The following TTC12 variants were observed in gnomAD, a reference collection of about 807,000 sequenced individuals.
TTC12 encodes the protein tetratricopeptide repeat protein 12.
TTC12 carries 70 observed loss-of-function variants against 90.1 expected under a neutral mutation model. The ratio of observed to expected loss-of-function variants is 0.78; its 90% CI spans 0.64 to 0.95. The LOEUF is 0.95. Among genes scored for constraint, TTC12 ranks in the 40% least tolerant of loss-of-function variants. TTC12 has a pLI of 0.00. For missense variants in TTC12, 819 were observed against 846.1 expected (o/e 0.97, Z 0.40); for synonymous variants, 296 against 311.5 (o/e 0.95, Z 0.53).
At position 113,335,013 on chromosome 11, in the gene TTC12, C is replaced by T; in HGVS notation, c.552C>T (p.Asn184=). The T allele has an allele frequency of 6.2e-7, 1 of 1,613,714 alleles. No individual in the cohort carries two copies. Among genetic ancestry groups the T allele is most frequent in the Non-Finnish European group, 8.5e-7 (1 of 1,179,706 alleles). The change falls in exon 8 of 22, where the codon AAC becomes AAT. Residue 184 remains asparagine, a synonymous_variant. Transcript: ENST00000529221. ...TKAYFHMGKA[N]LALKNYSVSR... ...CATATTTTCACATGGGAAAAGCCAA[C>T]CTGGCCCTGAAGAACTACAGTGTGG...
intron 11 of TTC12, 104 bp downstream of exon 11, chr11:113,340,837 AC>A (rs1392319639): frequency 2.0e-5 from 19 of 964,272 alleles, no homozygotes; most frequent in Admixed American, 9.0e-5. Context: ...TCTGAACATT[AC>A]CCCCCTTCAG....
intron 2 of TTC12, among the ~76,000 whole-genome samples, chr11:113,316,966 A>G (rs1374116917): frequency 6.6e-6 from 1 of 152,250 alleles, no homozygotes; most frequent in Admixed American, 6.5e-5. Flanking sequence ...TAGTAAATAC[A>G]GGCAATATGC....
At chr11:113,364,717 A>T in intron 20 of TTC12, 118 bp from the exon 21 acceptor site, 1 of 745,264 alleles carries the variant, frequency 1.3e-6, no homozygotes, top group Non-Finnish European at 2.3e-6. Flanking sequence ...GTTCTGCTGC[A>T]GAGTTACTGG....
intron 10 of TTC12, among the ~76,000 whole-genome samples, chr11:113,340,145 C>G (rs1226918566): frequency 6.6e-6 from 1 of 152,152 alleles, no homozygotes; most frequent in African/African-American, 2.4e-5. Context: ...ACATTGTTAC[C>G]AAGGCTTAAA....
chr11:113,364,762 C>G, intron 20 of TTC12, 73 bp from the exon 21 acceptor site: 1 of 1,248,562 alleles, frequency 8.0e-7, no homozygotes. Context: ...TCCCTGCACC[C>G]CTCATGTCCT....
Position 113,341,840 on chromosome 11 carries a change from T to G in TTC12, c.900T>G (p.Cys300Trp), listed in dbSNP as rs917586731. The part of the protein sequence containing the change: ...IISDNEVIRR[C>W]FSTAGNDAVE... ...AGCTCTCCTTTGTCCATTCTAGGTG[T>G]TTTTCCACAGCAGGAAATGATGCAG... Residue 300 changes from cysteine to tryptophan, a missense_variant, in exon 12 of 22, where the codon TGT becomes TGG. Physicochemically the swap from Cys to Trp is radical, Grantham distance 215 (BLOSUM62 -2). Transcript: ENST00000529221. The G allele has an allele frequency of 1.2e-6, 2 of 1,613,036 alleles. No homozygotes were observed. Among genetic ancestry groups the G allele is most frequent in the Non-Finnish European group, 1.7e-6 (2 of 1,178,970 alleles).
At chr11:113,356,511 T>A (rs1353424336) in intron 16 of TTC12, among the ~76,000 whole-genome samples, 1 of 152,250 alleles carries the variant, frequency 6.6e-6, no homozygotes, top group Non-Finnish European at 1.5e-5. Context: ...TTTTGCTGAC[T>A]TATTTATGTG....
At chr11:113,369,635 C>T (rs1034817906), downstream of TTC12, among the ~76,000 whole-genome samples, 1 of 152,172 alleles carries the variant, frequency 6.6e-6, no homozygotes, top group African/African-American at 2.4e-5. Context: ...GTGTTCTTAA[C>T]TCTTCCTGCA....
Position 113,341,782 on chromosome 11 carries a change from G to A in TTC12, c.897-55G>A, listed in dbSNP as rs1448550816. On this transcript the variant is annotated intron_variant, in intron 11 of 21. Coordinates refer to ENST00000529221, the MANE Select transcript of TTC12 (RefSeq NM_017868.4). Reference sequence around the variant, plus strand: ...GGGTGAAATAAAACCAAATGGAAAAGAAAATCAAGACTGATTTTCAGACTT... The same window carrying A: ...GGGTGAAATAAAACCAAATGGAAAAAAAAATCAAGACTGATTTTCAGACTT... 8.6e-6 allele frequency: 12 copies of A among 1,399,162 alleles called. No individual in the cohort carries two copies. The Admixed American group carries it at 1.3e-4, about 16-fold the overall frequency. The allele number at this position is 1,399,162 out of a possible 1,614,324, so 86.7% of individuals were successfully genotyped here.
chr11:113,368,232 T>C, downstream of TTC12: 1 of 1,510,818 alleles, frequency 6.6e-7, no homozygotes, highest in Admixed American at 2.0e-5. Context: ...GAGAGTCTGC[T>C]GCACCTGAAG....
At chr11:113,368,116 C>CTAT (rs755301170), downstream of TTC12, 1,561 of 1,233,754 alleles carry the variant, frequency 1.3e-3, 28 homozygotes, top group Non-Finnish European at 6.3e-4. Flanking sequence ...TTGAAAATGG[C>CTAT]TATGATAGGT....
chr11:113,341,391 GA>G (rs1208208402), intron 11 of TTC12, among the ~76,000 whole-genome samples: 1 of 152,174 alleles, frequency 6.6e-6, no homozygotes, highest in African/African-American at 2.4e-5. Flanking sequence ...ATCATATCAA[GA>G]AGTGATATAA....
At chr11:113,360,878 C>T (rs538063955) in intron 18 of TTC12, among the ~76,000 whole-genome samples, 1 of 152,178 alleles carries the variant, frequency 6.6e-6, no homozygotes, top group Admixed American at 6.5e-5. Flanking sequence ...AGGTTTTGTG[C>T]GTGTGCATTT....
rs556138912 is a variant in TTC12 at position 113,359,845 on chromosome 11, T to C, written c.1546-95T>C. The C allele has an allele frequency of 1.4e-5, 13 of 907,678 alleles. No homozygotes were observed. In the African/African-American group the frequency reaches 1.5e-4, roughly 10 times the overall value. 56.2% of individuals were successfully genotyped at this position (907,678 alleles called of 1,614,324 possible). ...AGGGAACCTGGGCATAGTGTGGTGG[T>C]GCTAAAAAGGAGACGGTGCTCAGAA... is the stretch of plus-strand genomic sequence containing the variant. On this transcript the variant is annotated intron_variant, in intron 17 of 21. Coordinates refer to ENST00000529221, the MANE Select transcript of TTC12 (RefSeq NM_017868.4).
chr11:113,359,380 T>C lies in TTC12; in HGVS notation c.1464T>C (p.Asp488=). The C allele has an allele frequency of 6.2e-7, 1 of 1,611,542 alleles. No homozygotes were observed. The highest frequency in any genetic ancestry group is 1.3e-5 in the African/African-American group (1 of 74,966). The change falls in exon 17 of 22, where the codon GAT becomes GAC. Residue 488 remains aspartate, a synonymous_variant. Transcript: ENST00000529221. ...TTCCCAAGGCCAGGTGTGAGGAGGA[T>C]GTGGACCTGTTCAGAGAGGTTATCT... ...CLSLLARCEE[D]VDLFREVIYT... is the part of the protein sequence containing the mutation.
chr11:113,333,299 C>G (rs904481742), intron 7 of TTC12, among the ~76,000 whole-genome samples: 2 of 152,098 alleles, frequency 1.3e-5, no homozygotes, highest in Non-Finnish European at 2.9e-5. Flanking sequence ...GGTTCTTGCC[C>G]AGCCCACTCT....
chr11:113,324,817 C>G, intron 5 of TTC12, 135 bp downstream of exon 5: 1 of 703,398 alleles, frequency 1.4e-6, no homozygotes, highest in Non-Finnish European at 2.4e-6. Flanking sequence ...GGCAGTGGGA[C>G]CTGGCCAGAA....
Position 113,341,452 on chromosome 11 carries a change from A to T in TTC12, c.897-385A>T, listed in dbSNP as rs576645742. On this transcript the variant is annotated intron_variant, in intron 11 of 21. Coordinates refer to ENST00000529221, the MANE Select transcript of TTC12 (RefSeq NM_017868.4). ...TAATTTCATCTGAAGAAAGACCTGT[A>T]TGGTAGGATGCAGTTTGCTAAAGTG... Among the ~76,000 whole-genome samples, 412 of 152,318 alleles carry T rather than the reference A, an allele frequency of 2.7e-3. 5 individuals carry two copies. The highest frequency in any genetic ancestry group is 0.023 in the Admixed American group (352 of 15,306).
At chr11:113,318,556 C>T (rs1947097420) in intron 2 of TTC12, among the ~76,000 whole-genome samples, 1 of 152,110 alleles carries the variant, frequency 6.6e-6, no homozygotes, top group Non-Finnish European at 1.5e-5. Flanking sequence ...CTTTAAAGGC[C>T]CTATCTACAA....
Sources: allele counts gnomAD v4.1 joint callset (sites outside exome capture counted in the v4.1 genomes callset), GRCh38; gene constraint gnomAD v4.1.1; transcripts MANE v1.5; gene names NCBI Gene and HGNC (gene_info 2026-07-23, HGNC 2026-07-21).